Variants in PCDHA7 observed in about 807,000 individuals in gnomAD.
The protein encoded by PCDHA7 is protocadherin alpha 7.
A neutral mutation model predicts 57.2 loss-of-function variants in PCDHA7; 37 were observed. The ratio of observed to expected loss-of-function variants is 0.65; its 90% CI spans 0.50 to 0.85. PCDHA7 has a LOEUF of 0.85. PCDHA7 is among the 40% of genes least tolerant of loss of function. The probability of loss-of-function intolerance (pLI) is 0.00; values close to 1 mark genes in which losing one functional copy is unlikely to be tolerated. For missense variants in PCDHA7, 1,188 were observed against 1,241.8 expected, an observed-to-expected ratio of 0.96 and a Z score of 0.65; for synonymous variants, 553 against 558.8, an observed-to-expected ratio of 0.99 and a Z score of 0.15.
intron 1 of PCDHA7, among the ~76,000 whole-genome samples, chr5:140,906,294 T>C (rs1554192469): frequency 1.3e-5 from 2 of 152,278 alleles, no homozygotes; most frequent in East Asian, 3.9e-4. Flanking sequence ...AAGACAATAA[T>C]AAGGTCATAA....
Position 140,835,008 on chromosome 5 carries a change from C to A in PCDHA7, c.625C>A (p.His209Asn). 1 of 1,388,200 alleles carries A rather than the reference C, an allele frequency of 7.2e-7. No homozygotes were observed. The allele number at this position is 1,388,200 out of a possible 1,614,324, so 86.0% of individuals were successfully genotyped here. A position where few individuals can be genotyped will look rare whatever the true frequency, so the allele number is the denominator to read the frequency against. ...LLDREETPEL[H>N]LLLTATDGGK... ...AGACAGAGAAGAAACTCCGGAGCTT[C>A]ATTTATTGCTCACGGCCACCGATGG... is the stretch of plus-strand genomic sequence containing the variant. Residue 209 changes from histidine to asparagine, a missense_variant, in exon 1 of 4, where the codon CAT becomes AAT. Physicochemically the swap from His to Asn is moderately conservative, Grantham distance 68. Around this residue, in one of 3 missense-constraint regions of PCDHA7, gnomAD observed 102 missense variants for 267.4 expected, o/e 0.38. Transcript: ENST00000525929.
chr5:140,941,175 C>G (rs1344326389), intron 1 of PCDHA7, among the ~76,000 whole-genome samples: 1 of 145,416 alleles, frequency 6.9e-6, no homozygotes, highest in Admixed American at 6.8e-5. Flanking sequence ...CCATCTTGAA[C>G]ATCCTGCTTC....
chr5:140,902,555 T>C (rs538054274), intron 1 of PCDHA7, among the ~76,000 whole-genome samples: 1 of 152,182 alleles, frequency 6.6e-6, no homozygotes, highest in Non-Finnish European at 1.5e-5. Flanking sequence ...TATACCCAGA[T>C]TTTTGAGGGT....
intron 1 of PCDHA7, among the ~76,000 whole-genome samples, chr5:140,886,289 T>C (rs115070123): frequency 0.081 from 12,299 of 152,020 alleles, 542 homozygotes; most frequent in Middle Eastern, 0.13. Context: ...ATTATTTTTA[T>C]ATTTATTTAT....
intron 1 of PCDHA7, among the ~76,000 whole-genome samples, chr5:140,901,030 C>G (rs1382384435): frequency 6.6e-6 from 1 of 152,116 alleles, no homozygotes; most frequent in Admixed American, 6.5e-5. Context: ...CTATTCAACT[C>G]TTTTGCCCAT....
intron 3 of PCDHA7, among the ~76,000 whole-genome samples, chr5:141,006,584 GA>G (rs1353712503): frequency 6.6e-6 from 1 of 152,126 alleles, no homozygotes; most frequent in Non-Finnish European, 1.5e-5. Context: ...GAGGGTTGGA[GA>G]GAAGCAAAAG....
intron 1 of PCDHA7, chr5:140,850,713 G>C (rs186966305): frequency 6.3e-7 from 1 of 1,598,196 alleles, no homozygotes; most frequent in Non-Finnish European, 8.6e-7. Context: ...GCCGACGCTG[G>C]TGTGTTCTAG....
chr5:141,000,367 C>G (rs1158701279), intron 3 of PCDHA7, among the ~76,000 whole-genome samples: 1 of 18,506 alleles, frequency 5.4e-5, no homozygotes, highest in Admixed American at 6.5e-4. Flanking sequence ...CTCTGTCTCT[C>G]TCTCTCTCTC....
intron 1 of PCDHA7, chr5:140,850,565 G>A (rs2041680380): frequency 1.3e-6 from 2 of 1,598,414 alleles, no homozygotes; most frequent in East Asian, 4.5e-5. Flanking sequence ...CGGGCCCCGA[G>A]GTGACGCTGG....
At chr5:140,927,343 G>T (rs2084109180) in intron 1 of PCDHA7, 2 of 1,614,016 alleles carry the variant, frequency 1.2e-6, no homozygotes, top group East Asian at 4.5e-5. Flanking sequence ...TGCCCAAGAT[G>T]ACGACGAGGG....
intron 1 of PCDHA7, among the ~76,000 whole-genome samples, chr5:140,900,662 G>C (rs2068213556): frequency 6.6e-6 from 1 of 152,190 alleles, no homozygotes; most frequent in South Asian, 2.1e-4. Flanking sequence ...ATGAACAATG[G>C]GAGTGCAGTT....
At chr5:141,004,449 A>G (rs2098166973) in intron 3 of PCDHA7, among the ~76,000 whole-genome samples, 1 of 152,180 alleles carries the variant, frequency 6.6e-6, no homozygotes. Flanking sequence ...GTCATATAGA[A>G]CCAGGAAGCT....
At chr5:140,849,677 C>A (rs2150445032) in intron 1 of PCDHA7, 1 of 1,598,728 alleles carries the variant, frequency 6.3e-7, no homozygotes, top group East Asian at 2.2e-5. Flanking sequence ...CCCACGTCCC[C>A]TTCAAGCTGG....
At chr5:140,882,049 T>G in intron 1 of PCDHA7, 2 of 752,814 alleles carry the variant, frequency 2.7e-6, no homozygotes, top group Non-Finnish European at 4.1e-6. Context: ...TGAGTCATAC[T>G]TACACTTACA....
chr5:140,868,360 T>C (rs1403678889), intron 1 of PCDHA7: 1 of 152,130 alleles, frequency 6.6e-6, no homozygotes, highest in African/African-American at 2.4e-5. Context: ...AGCAATTAAA[T>C]GTAAATAACA....
chr5:140,967,185 A>G, intron 1 of PCDHA7: 1 of 1,613,242 alleles, frequency 6.2e-7, no homozygotes, highest in Non-Finnish European at 8.5e-7. Context: ...GAAATATTGG[A>G]CATCAACGAC....
intron 1 of PCDHA7, among the ~76,000 whole-genome samples, chr5:140,887,432 C>G (rs2061445843): frequency 6.6e-6 from 1 of 152,120 alleles, no homozygotes; most frequent in Non-Finnish European, 1.5e-5. Flanking sequence ...AGTATTTTCA[C>G]TGGGCATAGT....
chr5:140,884,610 G>A (rs1554181783), intron 1 of PCDHA7: 1 of 1,614,138 alleles, frequency 6.2e-7, no homozygotes, highest in South Asian at 1.1e-5. Context: ...CCTTGTCTGG[G>A]TTCTGCAGAG....
intron 3 of PCDHA7, among the ~76,000 whole-genome samples, chr5:140,988,691 G>A (rs1205492528): frequency 6.6e-6 from 1 of 152,114 alleles, no homozygotes; most frequent in African/African-American, 2.4e-5. Context: ...TTCCCTAGAC[G>A]CTCTGTATTT....
Sources: gnomAD v4.1 joint callset for allele counts (sites outside exome capture counted in the v4.1 genomes callset) on GRCh38, gnomAD v4.1.1 for gene constraint, gnomAD v4.1.1 regional missense constraint, MANE v1.5 for transcripts, NCBI Gene and HGNC (gene_info 2026-07-23, HGNC 2026-07-21) for gene names.